ZNF718: variants seen among roughly 807,000 people sequenced by gnomAD.
ZNF718 encodes zinc finger protein 718.
ZNF718 carries 3 observed loss-of-function variants against 2.6 expected under a neutral mutation model. That is an observed-to-expected ratio of 1.16 (90% confidence interval 0.53 to 3.01). The LOEUF (loss-of-function observed/expected upper bound fraction) is 3.01, where lower values mean the gene tolerates loss of function less well. ZNF718 is among the 30% of genes most tolerant of loss of function. ZNF718 has a pLI of 0.03. For missense variants in ZNF718, 468 were observed against 230.0 expected (o/e 2.03, Z -6.69); for synonymous variants, 135 against 77.9 (o/e 1.73, Z -3.86).
rs529926183 is a variant in ZNF718 at position 161,677 on chromosome 4, G to T, written c.992G>T (p.Arg331Ile). The T allele has an allele frequency of 3.0e-5, 23 of 779,222 alleles. No individual in the cohort carries two copies. The highest frequency in any genetic ancestry group is 1.5e-4 in the Admixed American group (9 of 58,630). 48.3% of individuals were successfully genotyped at this position (779,222 alleles called of 1,614,324 possible). A position where few individuals can be genotyped will look rare whatever the true frequency, so the allele number is the denominator to read the frequency against. ...TTSSDFAKHK[R>I]IHTGEKPYKC... ...TCCTCAGACTTTGCTAAACATAAGA[G>T]AATTCATACAGGAGAGAAACCCTAC... Residue 331 changes from arginine to isoleucine, a missense_variant, in exon 4 of 4, where the codon AGA (arginine) becomes ATA (isoleucine). Coordinates refer to ENST00000510175, the MANE Select transcript of ZNF718 (RefSeq NM_001039127.6).
At position 127,941 on chromosome 4, in the gene ZNF718, T is replaced by C. The variant is rs1715274276; in HGVS notation, c.4-2847T>C. Among the ~76,000 whole-genome samples, 2 of 105,160 alleles carry C rather than the reference T, an allele frequency of 1.9e-5. 1 individual carries two copies. The highest frequency in any genetic ancestry group is 6.6e-5 in the African/African-American group (2 of 30,312). 69.0% of individuals were successfully genotyped at this position (105,160 alleles called of 152,430 possible). On this transcript the variant is annotated intron_variant, in intron 1 of 3. Transcript: ENST00000510175. The stretch of plus-strand genomic sequence containing the variant: ...TGGAGTGTATATTCAGGTAGCTTTA[T>C]ACTCCAGGATTGCAGTCTTCAAGCT...
downstream of ZNF718, among the ~76,000 whole-genome samples, chr4:166,076 C>A (rs1428692601): frequency 1.3e-5 from 2 of 152,142 alleles, no homozygotes; most frequent in African/African-American, 4.8e-5. Context: ...GTTCAATTCC[C>A]ACCTATGAGT....
intron 3 of ZNF718, among the ~76,000 whole-genome samples, chr4:146,886 T>C (rs1716090598): frequency 6.6e-6 from 1 of 152,106 alleles, no homozygotes; most frequent in Admixed American, 6.5e-5. Flanking sequence ...AATGGTTTCT[T>C]TTTCTGTATT....
intron 3 of ZNF718, among the ~76,000 whole-genome samples, chr4:173,678 T>C (rs1173962463): frequency 6.6e-6 from 1 of 152,170 alleles, no homozygotes; most frequent in Non-Finnish European, 1.5e-5. Context: ...GTCCACCTAC[T>C]ACAAAAGTAG....
At chr4:155,048 G>T (rs1553813373) in intron 3 of ZNF718, among the ~76,000 whole-genome samples, 1 of 152,210 alleles carries the variant, frequency 6.6e-6, no homozygotes, top group East Asian at 1.9e-4. Context: ...GAGGGTCCAA[G>T]CCCCAAGCCT....
chr4:152,937 C>T (rs1409624595), intron 3 of ZNF718, among the ~76,000 whole-genome samples: 3 of 125,090 alleles, frequency 2.4e-5, no homozygotes, highest in Non-Finnish European at 3.6e-5. Flanking sequence ...TTTGTAGTCA[C>T]GTTTGCAGAT....
intron 3 of ZNF718, among the ~76,000 whole-genome samples, chr4:198,286 G>T (rs1553822319): frequency 6.6e-6 from 1 of 152,192 alleles, no homozygotes. Flanking sequence ...GGCAGAGGGG[G>T]TCCACGTCAT....
intron 3 of ZNF718, among the ~76,000 whole-genome samples, chr4:175,476 T>C (rs1553818922): frequency 2.0e-5 from 3 of 152,214 alleles, no homozygotes; most frequent in African/African-American, 7.2e-5. Flanking sequence ...GGATAAGTAA[T>C]GTTCTCCCTC....
chr4:195,454 A>G (rs1717772806), intron 3 of ZNF718, among the ~76,000 whole-genome samples: 1 of 152,214 alleles, frequency 6.6e-6, no homozygotes, highest in African/African-American at 2.4e-5. Flanking sequence ...TTGTATGGTA[A>G]TTAAGATTTA....
At chr4:137,931 G>A (rs999377154) in intron 3 of ZNF718, among the ~76,000 whole-genome samples, 1 of 152,104 alleles carries the variant, frequency 6.6e-6, no homozygotes, top group Non-Finnish European at 1.5e-5. Flanking sequence ...TCCAAAAATT[G>A]TAGAGTTATG....
intron 3 of ZNF718, among the ~76,000 whole-genome samples, chr4:191,072 A>G (rs1217186477): frequency 6.6e-6 from 1 of 150,734 alleles, no homozygotes; most frequent in East Asian, 1.9e-4. Context: ...TACAGAATAT[A>G]TTTTCAAAAG....
chr4:164,336 C>T (rs925073761), downstream of ZNF718, among the ~76,000 whole-genome samples: 4 of 151,838 alleles, frequency 2.6e-5, no homozygotes, highest in Non-Finnish European at 4.4e-5. Flanking sequence ...AAGAAAATAG[C>T]AACATTGGGA....
chr4:156,796 T>C (rs1165470998), intron 3 of ZNF718, among the ~76,000 whole-genome samples: 2 of 152,188 alleles, frequency 1.3e-5, no homozygotes, highest in East Asian at 1.9e-4. Context: ...ATTTTTTGCT[T>C]CTAAAAAACT....
At position 162,043 on chromosome 4, in the gene ZNF718, G is replaced by A; in HGVS notation, c.1358G>A (p.Cys453Tyr). 2.6e-6 allele frequency: 2 copies of A among 777,424 alleles called. No homozygotes were observed. The highest frequency in any genetic ancestry group is 2.4e-5 in the East Asian group (1 of 41,150). 48.2% of individuals were successfully genotyped at this position (777,424 alleles called of 1,614,324 possible). Reference protein sequence around the residue: ...KIHTVDKPYKCKECGKAFKQY... With the variant: ...KIHTVDKPYKYKECGKAFKQY... ...CACACTGTAGATAAACCCTACAAAT[G>A]TAAAGAATGCGGGAAAGCTTTTAAG... Residue 453 changes from cysteine (C) to tyrosine (Y), a missense_variant, in exon 4 of 4, where the codon TGT becomes TAT. By Grantham distance (194) the Cys-to-Tyr change is radical (BLOSUM62 -2). Coordinates refer to ENST00000510175, the MANE Select transcript of ZNF718 (RefSeq NM_001039127.6).
intron 3 of ZNF718, among the ~76,000 whole-genome samples, chr4:141,211 C>T (rs1715798328): frequency 6.6e-6 from 1 of 151,528 alleles, no homozygotes; most frequent in African/African-American, 2.4e-5. Flanking sequence ...TTGTCTAATT[C>T]AATAGTTATC....
intron 3 of ZNF718, among the ~76,000 whole-genome samples, chr4:141,633 T>G (rs1715815691): frequency 6.6e-6 from 1 of 152,202 alleles, no homozygotes; most frequent in African/African-American, 2.4e-5. Flanking sequence ...TTCAATCTGC[T>G]TTAGGTTATA....
chr4:133,116 G>C (rs1280750863), intron 3 of ZNF718, among the ~76,000 whole-genome samples: 1 of 83,710 alleles, frequency 1.2e-5, no homozygotes, highest in African/African-American at 4.2e-5. Flanking sequence ...GGTGGAGTTT[G>C]CAGTGAGCTG....
At position 163,701 on chromosome 4, in the gene ZNF718, G is replaced by A. The variant is rs930076356; in HGVS notation, c.*1579G>A. The A allele has an allele frequency of 3.9e-5, 6 of 152,114 alleles. No homozygotes were observed. The highest frequency in any genetic ancestry group is 1.4e-4 in the African/African-American group (6 of 41,422). 9.4% of individuals were successfully genotyped at this position (152,114 alleles called of 1,614,324 possible). The stretch of plus-strand genomic sequence containing the variant: ...TTTTAAAATTCTCTTTTAAGATTGT[G>A]TGTGAACCTTACTCAAGGGTGTAGG... On this transcript the variant is annotated 3_prime_UTR_variant, in exon 4 of 4. Coordinates refer to ENST00000510175, the MANE Select transcript of ZNF718 (RefSeq NM_001039127.6).
intron 3 of ZNF718, among the ~76,000 whole-genome samples, chr4:184,288 G>A (rs1381309559): frequency 6.6e-6 from 1 of 152,044 alleles, no homozygotes; most frequent in Non-Finnish European, 1.5e-5. Context: ...GTCCTTAGTT[G>A]TGTTTATGTG....
Sources: gnomAD v4.1 joint callset for allele counts (sites outside exome capture counted in the v4.1 genomes callset) on GRCh38, gnomAD v4.1.1 for gene constraint, MANE v1.5 for transcripts, NCBI Gene and HGNC (gene_info 2026-07-23, HGNC 2026-07-21) for gene names.